Variants in HDAC9 observed in about 807,000 individuals in gnomAD.
HDAC9 encodes MEF-2 interacting transcription repressor (MITR) protein.
HDAC9 carries 41 observed loss-of-function variants against 139.4 expected under a neutral mutation model. The ratio of observed to expected loss-of-function variants is 0.29; its 90% CI spans 0.23 to 0.38. HDAC9 has a LOEUF of 0.38. Among genes scored for constraint, HDAC9 ranks in the 10% least tolerant of loss-of-function variants. The pLI, the probability that HDAC9 is intolerant of heterozygous loss-of-function variation, is 1.00. For synonymous variants in HDAC9, 517 were observed against 476.2 expected (o/e 1.09, Z -1.12); for missense variants, 1,147 against 1,297.0 (o/e 0.88, Z 1.78).
rs879269640 is a variant in HDAC9 at position 18,992,706 on chromosome 7, C to CT, written c.3171-3307dup. ...ATCTTGTCTCAAGTGAAATTACTTC[C>CT]TTTTTTTTTTACTTTTGTAAATTAT... On this transcript the variant is annotated intron_variant, in intron 25 of 25. Transcript: ENST00000686413. Among the ~76,000 whole-genome samples, 1,162 of 148,154 alleles carry CT rather than the reference C, an allele frequency of 7.8e-3. 15 individuals carry two copies. Among genetic ancestry groups the CT allele is most frequent in the African/African-American group, 0.024 (985 of 40,524 alleles).
upstream of HDAC9, among the ~76,000 whole-genome samples, chr7:18,492,886 G>A (rs188050386): frequency 8.6e-5 from 13 of 151,896 alleles, no homozygotes; most frequent in African/African-American, 2.9e-4. Flanking sequence ...GAAACAAGTG[G>A]GGTTTTTTGT....
intron 2 of HDAC9, among the ~76,000 whole-genome samples, chr7:18,563,228 T>A (rs1283432311): frequency 6.6e-6 from 1 of 152,186 alleles, no homozygotes. Flanking sequence ...GCTATTATAA[T>A]CTCAGTATAT....
intron 13 of HDAC9, among the ~76,000 whole-genome samples, chr7:18,731,230 A>G (rs552607365): frequency 2.0e-5 from 3 of 152,216 alleles, no homozygotes; most frequent in African/African-American, 4.8e-5. Flanking sequence ...GGGAGGGGAG[A>G]GGCTATTTGT....
chr7:18,482,034 C>G (rs1795594160), intron 1 of HDAC9, among the ~76,000 whole-genome samples: 1 of 152,128 alleles, frequency 6.6e-6, no homozygotes, highest in African/African-American at 2.4e-5. Flanking sequence ...CCTTCCAAGC[C>G]ATTCATCAAT....
intron 1 of HDAC9, among the ~76,000 whole-genome samples, chr7:18,480,911 G>T (rs1257863167): frequency 6.6e-6 from 1 of 152,180 alleles, no homozygotes; most frequent in African/African-American, 2.4e-5. Flanking sequence ...TCTGCATCCA[G>T]TGAGTTGCTT....
At chr7:18,493,591 G>T (rs1057139201), upstream of HDAC9, among the ~76,000 whole-genome samples, 1 of 151,682 alleles carries the variant, frequency 6.6e-6, no homozygotes, top group Non-Finnish European at 1.5e-5. Context: ...AGAAGTTCTT[G>T]TTCTGATCTC....
chr7:18,734,278 G>T (rs140133211), intron 13 of HDAC9, among the ~76,000 whole-genome samples: 140 of 152,196 alleles, frequency 9.2e-4, no homozygotes, highest in African/African-American at 3.3e-3. Context: ...TGAGCACAAC[G>T]TGCAGGTTTG....
intron 1 of HDAC9, among the ~76,000 whole-genome samples, chr7:18,115,264 G>T (rs1783901459): frequency 6.8e-6 from 1 of 147,972 alleles, no homozygotes; most frequent in Non-Finnish European, 1.5e-5. Context: ...CTGCACTCCA[G>T]CCTAGGTGAC....
chr7:18,765,924 T>C (rs1334212173), intron 15 of HDAC9, among the ~76,000 whole-genome samples: 1 of 152,194 alleles, frequency 6.6e-6, no homozygotes, highest in Non-Finnish European at 1.5e-5. Flanking sequence ...TATAACTAGA[T>C]GGCTTCATTT....
rs1349572045 is a variant in HDAC9, at chr7:18,332,388, TGTGTGAGAGA to T, written c.-42+41875_-42+41884del. On this transcript the variant is annotated intron_variant, in intron 1 of 3. Coordinates refer to the HDAC9 transcript ENST00000413509. Reference sequence around the variant, plus strand: ...GTGTGTGTGTGTGTGTGTGTGTGTGTGTGTGAGAGAGAGAGAGAGAGAGATTTTTACTTTA... The same window carrying T: ...GTGTGTGTGTGTGTGTGTGTGTGTGTGAGAGAGAGAGAGATTTTTACTTTA... Among the ~76,000 whole-genome samples, 51 of 122,408 alleles carry T rather than the reference TGTGTGAGAGA, an allele frequency of 4.2e-4. 1 individual carries two copies. The South Asian group carries it at 0.012, about 29-fold the overall frequency. The allele number at this position is 122,408 out of a possible 152,430, so 80.3% of individuals were successfully genotyped here.
intron 2 of HDAC9, among the ~76,000 whole-genome samples, chr7:18,548,833 T>A (rs1304288599): frequency 6.6e-6 from 1 of 152,198 alleles, no homozygotes; most frequent in Non-Finnish European, 1.5e-5. Context: ...GAATTCAAAT[T>A]ATAATGTCAA....
intron 1 of HDAC9, among the ~76,000 whole-genome samples, chr7:18,326,873 ATTGATGGGTTAAG>A (rs1219066940): frequency 6.6e-6 from 1 of 151,956 alleles, no homozygotes; most frequent in Non-Finnish European, 1.5e-5. Flanking sequence ...TGGGTAGTCT[ATTGATGGGTTAAG>A]TCCTGAAGGT....
intron 24 of HDAC9, among the ~76,000 whole-genome samples, chr7:18,972,369 C>CTTTTTTTTT (rs199909134): frequency 4.2e-5 from 4 of 94,898 alleles, no homozygotes; most frequent in Non-Finnish European, 4.3e-5. Context: ...ATGAACTTCT[C>CTTTTTTTTT]TTTTTTTTTT....
At chr7:18,411,511 G>A (rs1294707308) in intron 1 of HDAC9, among the ~76,000 whole-genome samples, 1 of 151,774 alleles carries the variant, frequency 6.6e-6, no homozygotes, top group Non-Finnish European at 1.5e-5. Flanking sequence ...TGTAGCTGGG[G>A]CTACAGGTGT....
chr7:18,310,496 G>A (rs1455924311), intron 1 of HDAC9, among the ~76,000 whole-genome samples: 5 of 152,124 alleles, frequency 3.3e-5, no homozygotes, highest in African/African-American at 1.2e-4. Context: ...AGGAACACAT[G>A]TACAAATCAG....
intron 23 of HDAC9, among the ~76,000 whole-genome samples, chr7:18,937,362 G>GT (rs931448018): frequency 6.6e-6 from 1 of 152,028 alleles, no homozygotes; most frequent in African/African-American, 2.4e-5. Context: ...AGACAGCACA[G>GT]TAACTCAAAG....
At chr7:18,575,052 G>A (rs1343327259) in intron 2 of HDAC9, among the ~76,000 whole-genome samples, 1 of 152,238 alleles carries the variant, frequency 6.6e-6, no homozygotes, top group African/African-American at 2.4e-5. Flanking sequence ...TGGTGTCATG[G>A]CAGCAGCCCT....
intron 2 of HDAC9, among the ~76,000 whole-genome samples, chr7:18,547,478 G>A (rs1269589970): frequency 6.6e-6 from 1 of 152,144 alleles, no homozygotes; most frequent in African/African-American, 2.4e-5. Flanking sequence ...CTTGTGATCT[G>A]CCCTCCTCGG....
chr7:18,237,776 A>G (rs1452922041), intron 2 of HDAC9, among the ~76,000 whole-genome samples: 1 of 152,218 alleles, frequency 6.6e-6, no homozygotes, highest in Non-Finnish European at 1.5e-5. Context: ...AGATGATTTC[A>G]AACAGTTAAG....
Sources: gnomAD v4.1 joint callset for allele counts (sites outside exome capture counted in the v4.1 genomes callset) on GRCh38, gnomAD v4.1.1 for gene constraint, MANE v1.5 for transcripts, NCBI Gene and HGNC (gene_info 2026-07-23, HGNC 2026-07-21) for gene names.